CHD1L: variants seen among roughly 807,000 people sequenced by gnomAD.
The protein encoded by CHD1L is ATP-dependent chromatin remodeler CHD1L.
In CHD1L, 118 loss-of-function variants were observed where a neutral mutation model predicts 115.9. The observed-to-expected ratio is 1.02, with a 90% CI of 0.88 to 1.19. The LOEUF is 1.19. CHD1L is among the 50% of genes most tolerant of loss of function. The probability of loss-of-function intolerance (pLI) is 0.00; values close to 1 mark genes in which losing one functional copy is unlikely to be tolerated. For synonymous variants in CHD1L, 411 were observed against 387.1 expected (o/e 1.06, Z -0.72); for missense variants, 1,179 against 1,065.3 (o/e 1.11, Z -1.49).
chr1:147,279,906 G>A (rs1680140660), intron 14 of CHD1L, 120 bp from the exon 15 acceptor site: 1 of 958,952 alleles, frequency 1.0e-6, no homozygotes, highest in Non-Finnish European at 1.6e-6. Context: ...GAGCAGAAAG[G>A]CTGCCTGTTC....
At position 147,242,689 on chromosome 1, in the gene CHD1L, G is replaced by A; in HGVS notation, c.-15G>A. On this transcript the variant is annotated 5_prime_UTR_variant, in exon 1 of 23. Transcript: ENST00000369258. The stretch of plus-strand genomic sequence containing the variant: ...TGCGCGCTTGGCCGCGCGGGGCGGG[G>A]CCTCTACCGGCCCGATGGAGCGCGC... 1 of 1,262,146 alleles carries A rather than the reference G, an allele frequency of 7.9e-7. No individual in the cohort carries two copies. Among genetic ancestry groups the A allele is most frequent in the Admixed American group, 3.8e-5 (1 of 26,338 alleles). The allele number at this position is 1,262,146 out of a possible 1,614,324, so 78.2% of individuals were successfully genotyped here. A position where few individuals can be genotyped will look rare whatever the true frequency, so the allele number is the denominator to read the frequency against.
At chr1:147,261,765 A>T (rs6683243) in intron 6 of CHD1L, among the ~76,000 whole-genome samples, 12,354 of 152,216 alleles carry the variant, frequency 0.081, 631 homozygotes, top group East Asian at 0.16. Flanking sequence ...TGGGTCATCT[A>T]AGCATTCCTT....
At position 147,280,003 on chromosome 1, in the gene CHD1L, C is replaced by T. The variant is rs782463878; in HGVS notation, c.1540-23C>T. On this transcript the variant is annotated intron_variant, in intron 14 of 22. Transcript: ENST00000369258. ...TTTCTTTTCATGAGAATTTGCTGGACTTTTTTGTTTCCTCTATTCAAGTTG... is the reference window on the plus strand; with the variant it reads ...TTTCTTTTCATGAGAATTTGCTGGATTTTTTTGTTTCCTCTATTCAAGTTG... 2.5e-6 allele frequency: 4 copies of T among 1,612,940 alleles called. No individual in the cohort carries two copies. The Admixed American group carries it at 6.7e-5, about 27-fold the overall frequency.
the CHD1L span, among the ~76,000 whole-genome samples, chr1:147,234,741 T>G: frequency 6.6e-6 from 1 of 152,234 alleles, no homozygotes; most frequent in Non-Finnish European, 1.5e-5. Context: ...AGGACTATAT[T>G]ACATATTATA....
rs912527306 is a variant in CHD1L, at chr1:147,291,565, C to T, written c.2391+13C>T. On this transcript the variant is annotated intron_variant, in intron 20 of 22. Transcript: ENST00000369258. ...AGGGCAAGATTTGGTAAGTAAAACCCATCTCTTCTCAGAACTACAAGTGGA... is the reference window on the plus strand; with the variant it reads ...AGGGCAAGATTTGGTAAGTAAAACCTATCTCTTCTCAGAACTACAAGTGGA... 6.2e-7 allele frequency: 1 copy of T among 1,605,340 alleles called. No homozygotes were observed. Among genetic ancestry groups the T allele is most frequent in the South Asian group, 1.1e-5 (1 of 90,902 alleles).
chr1:147,198,888 G>A, the CHD1L span, among the ~76,000 whole-genome samples: 1 of 150,040 alleles, frequency 6.7e-6, no homozygotes, highest in Non-Finnish European at 1.5e-5. Flanking sequence ...AAGAAAGATG[G>A]GCCTGAAATT....
chr1:147,216,295 A>G, the CHD1L span, among the ~76,000 whole-genome samples: 1 of 152,192 alleles, frequency 6.6e-6, no homozygotes, highest in East Asian at 1.9e-4. Flanking sequence ...GTCCAGCCTC[A>G]CCACATGAAG....
chr1:147,193,380 C>G, the CHD1L span, among the ~76,000 whole-genome samples: 2 of 152,088 alleles, frequency 1.3e-5, no homozygotes, highest in South Asian at 4.2e-4. Flanking sequence ...TTTACTGCAT[C>G]TATTTGATTC....
the CHD1L span, among the ~76,000 whole-genome samples, chr1:147,230,207 T>A: frequency 1.2e-5 from 1 of 85,186 alleles, no homozygotes; most frequent in South Asian, 5.1e-4. Flanking sequence ...TTATTGAGAG[T>A]TTTTAGCATG....
At chr1:147,234,245 G>T in the CHD1L span, among the ~76,000 whole-genome samples, 2 of 152,258 alleles carry the variant, frequency 1.3e-5, no homozygotes, top group Middle Eastern at 3.4e-3. Context: ...CTCCACAATT[G>T]TGATGGCCCC....
chr1:147,287,600 T>G (rs782083618), intron 18 of CHD1L, 35 bp from the exon 19 acceptor site: 5 of 1,522,804 alleles, frequency 3.3e-6, no homozygotes, highest in Non-Finnish European at 3.6e-6. Flanking sequence ...GGACTTCACC[T>G]CCTATAGATG....
intron 17 of CHD1L, 124 bp downstream of exon 17, chr1:147,285,611 C>T (rs1352828105): frequency 9.1e-7 from 1 of 1,097,620 alleles, no homozygotes; most frequent in Non-Finnish European, 1.3e-6. Context: ...CTATTGGTAA[C>T]AGAATACTTT....
intron 6 of CHD1L, 26 bp downstream of exon 6, chr1:147,259,944 T>TAG (rs782049708): frequency 6.6e-7 from 1 of 1,522,924 alleles, no homozygotes; most frequent in South Asian, 1.2e-5. Context: ...AGCCTTAGTT[T>TAG]TTATATAACC....
At chr1:147,198,640 A>G in the CHD1L span, among the ~76,000 whole-genome samples, 4 of 151,910 alleles carry the variant, frequency 2.6e-5, no homozygotes, top group Non-Finnish European at 5.9e-5. Flanking sequence ...CACGAGGTCA[A>G]GAGATGGAGA....
At chr1:147,239,212 A>G (rs1335310858), upstream of CHD1L, among the ~76,000 whole-genome samples, 1 of 152,116 alleles carries the variant, frequency 6.6e-6, no homozygotes, top group African/African-American at 2.4e-5. Context: ...TTTCTAAACC[A>G]AAGTATAAAA....
intron 10 of CHD1L, among the ~76,000 whole-genome samples, chr1:147,270,155 C>A (rs1195021020): frequency 3.9e-5 from 6 of 152,304 alleles, no homozygotes; most frequent in African/African-American, 1.4e-4. Context: ...AATTTTTCCT[C>A]TTACACTTGT....
chr1:147,273,470 T>C (rs1677063517), intron 12 of CHD1L, among the ~76,000 whole-genome samples: 2 of 152,170 alleles, frequency 1.3e-5, no homozygotes, highest in Non-Finnish European at 2.9e-5. Context: ...ATCTCCCTAA[T>C]AAAATTAATA....
intron 1 of CHD1L, among the ~76,000 whole-genome samples, chr1:147,246,369 T>A (rs959665355): frequency 9.9e-5 from 15 of 152,256 alleles, no homozygotes; most frequent in Non-Finnish European, 1.5e-4. Flanking sequence ...TGTAAACATT[T>A]GTATACAGAT....
upstream of CHD1L, among the ~76,000 whole-genome samples, chr1:147,240,819 GACCGTCTCTCC>G (rs1444036690): frequency 3.9e-5 from 6 of 152,074 alleles, no homozygotes; most frequent in Admixed American, 3.3e-4. Flanking sequence ...TTTTCATGCT[GACCGTCTCTCC>G]ACTATTACCC....
Sources: gnomAD v4.1 joint callset for allele counts (sites outside exome capture counted in the v4.1 genomes callset) on GRCh38, gnomAD v4.1.1 for gene constraint, MANE v1.5 for transcripts, NCBI Gene and HGNC (gene_info 2026-07-23, HGNC 2026-07-21) for gene names.